Variants in DLGAP4 observed in about 807,000 individuals in gnomAD.
DLGAP4 encodes the protein disks large-associated protein 4.
Under a neutral mutation model 86.9 loss-of-function variants are expected in DLGAP4, and 18 were observed. The ratio of observed to expected loss-of-function variants is 0.21; its 90% CI spans 0.14 to 0.31. The LOEUF (loss-of-function observed/expected upper bound fraction) is 0.31. Among genes scored for constraint, DLGAP4 ranks in the 10% least tolerant of loss-of-function variants. The pLI, the probability that DLGAP4 is intolerant of heterozygous loss-of-function variation, is 1.00. For synonymous variants in DLGAP4, 548 were observed against 574.3 expected, an observed-to-expected ratio of 0.95 and a Z score of 0.65; for missense variants, 1,085 against 1,362.6, an observed-to-expected ratio of 0.80 and a Z score of 3.21.
chr20:36,390,110 G>A (rs994859767), intron 2 of DLGAP4, among the ~76,000 whole-genome samples: 1 of 152,218 alleles, frequency 6.6e-6, no homozygotes, highest in African/African-American at 2.4e-5. Flanking sequence ...GGACCAAGGG[G>A]CAGTGAACTT....
At chr20:36,515,267 T>C (rs2036969144) in intron 10 of DLGAP4, among the ~76,000 whole-genome samples, 1 of 152,258 alleles carries the variant, frequency 6.6e-6, no homozygotes, top group African/African-American at 2.4e-5. Flanking sequence ...CTGGCAGATG[T>C]TCACTGATCC....
rs1202932443 is a variant in DLGAP4 at position 36,465,056 on chromosome 20, T to TA, written c.1648+18122dup. ...TTAAATGAGATTATGTATTTTTTTT[T>TA]AAATCTGGTGCACAGTAGGCACTTA... On this transcript the variant is annotated intron_variant, in intron 7 of 12. Coordinates refer to ENST00000339266, the MANE Select transcript of DLGAP4 (RefSeq NM_001365621.2). Among the ~76,000 whole-genome samples, 3 of 152,106 alleles carry TA rather than the reference T, an allele frequency of 2.0e-5. No individual in the cohort carries two copies. In the East Asian group the frequency reaches 5.8e-4, roughly 29 times the overall value.
At chr20:36,460,872 T>G (rs1288567058) in intron 7 of DLGAP4, among the ~76,000 whole-genome samples, 1 of 152,186 alleles carries the variant, frequency 6.6e-6, no homozygotes, top group Non-Finnish European at 1.5e-5. Flanking sequence ...CGGATGTTGT[T>G]CAAGATCACA....
intron 10 of DLGAP4, among the ~76,000 whole-genome samples, chr20:36,507,190 C>G (rs994079932): frequency 4.0e-5 from 6 of 151,654 alleles, no homozygotes; most frequent in Non-Finnish European, 5.9e-5. Context: ...ACTCAAGGCC[C>G]TGACTTGTGG....
At chr20:36,464,198 C>T (rs2034234935) in intron 7 of DLGAP4, among the ~76,000 whole-genome samples, 1 of 152,156 alleles carries the variant, frequency 6.6e-6, no homozygotes. Context: ...TTCCTTTGGG[C>T]TTCAGCTTCC....
chr20:36,382,119 G>A (rs923403339), intron 2 of DLGAP4, among the ~76,000 whole-genome samples: 2 of 152,196 alleles, frequency 1.3e-5, no homozygotes, highest in African/African-American at 2.4e-5. Context: ...GGGAGATCTG[G>A]AGGTGGAGAA....
At chr20:36,353,160 G>T (rs1438022530) in intron 1 of DLGAP4, among the ~76,000 whole-genome samples, 4 of 152,118 alleles carry the variant, frequency 2.6e-5, no homozygotes, top group African/African-American at 9.7e-5. Flanking sequence ...GGGGTGGCCA[G>T]GGGTACCCGA....
chr20:36,506,380 C>A (rs1360714993), intron 10 of DLGAP4, among the ~76,000 whole-genome samples: 2 of 152,170 alleles, frequency 1.3e-5, no homozygotes, highest in African/African-American at 2.4e-5. Context: ...GGGAAGAGGT[C>A]TTTTATGATG....
intron 10 of DLGAP4, among the ~76,000 whole-genome samples, chr20:36,522,537 T>TTGAGA (rs2037440988): frequency 6.6e-6 from 1 of 152,172 alleles, no homozygotes; most frequent in African/African-American, 2.4e-5. Context: ...TGTTTGGTTT[T>TTGAGA]TGAGATGGAG....
intron 10 of DLGAP4, among the ~76,000 whole-genome samples, chr20:36,514,610 C>T (rs565423446): frequency 1.2e-4 from 18 of 152,158 alleles, no homozygotes; most frequent in South Asian, 2.1e-4. Flanking sequence ...GATGCAATCT[C>T]GCTTTGTTGC....
At chr20:36,317,220 CTTTTTTCT>C (rs1163585662) in intron 1 of DLGAP4, among the ~76,000 whole-genome samples, 9 of 117,294 alleles carry the variant, frequency 7.7e-5, no homozygotes, top group African/African-American at 2.5e-4. Flanking sequence ...CCTTCCTCTC[CTTTTTTCT>C]TTCTTTCTTT....
At chr20:36,377,838 T>C (rs904123574) in intron 2 of DLGAP4, among the ~76,000 whole-genome samples, 1 of 152,198 alleles carries the variant, frequency 6.6e-6, no homozygotes, top group Non-Finnish European at 1.5e-5. Flanking sequence ...CGGGCTGACA[T>C]TTCCAGACAG....
intron 2 of DLGAP4, among the ~76,000 whole-genome samples, chr20:36,423,437 C>T (rs995470916): frequency 1.5e-4 from 16 of 108,718 alleles, no homozygotes; most frequent in African/African-American, 5.9e-4. Context: ...GCCTGGGTGA[C>T]AGAGCAAGAC....
At chr20:36,499,506 T>A in intron 8 of DLGAP4, 82 bp from the exon 9 acceptor site, 2 of 1,472,492 alleles carry the variant, frequency 1.4e-6, no homozygotes, top group Non-Finnish European at 1.9e-6. Flanking sequence ...CCCACTAATG[T>A]GAATTTCAGC....
chr20:36,473,511 C>G (rs2034771806), intron 7 of DLGAP4, among the ~76,000 whole-genome samples: 1 of 152,188 alleles, frequency 6.6e-6, no homozygotes, highest in African/African-American at 2.4e-5. Context: ...CAGATATTAA[C>G]TGTTACCTGA....
chr20:36,425,717 T>A (rs142929214), intron 2 of DLGAP4, among the ~76,000 whole-genome samples: 21,768 of 151,752 alleles, frequency 0.14, 1,676 homozygotes, highest in African/African-American at 0.19. Flanking sequence ...GCTACTCGGG[T>A]TGCTGAGGCA....
At chr20:36,497,721 C>G (rs944971659) in intron 8 of DLGAP4, 3 of 814,464 alleles carry the variant, frequency 3.7e-6, no homozygotes, top group Non-Finnish European at 4.5e-6. Context: ...CCAAAGTCAG[C>G]AGGCCCTCCA....
chr20:36,342,213 T>C (rs1555892580), intron 1 of DLGAP4, among the ~76,000 whole-genome samples: 1 of 152,168 alleles, frequency 6.6e-6, no homozygotes, highest in Admixed American at 6.5e-5. Context: ...TCACTCCTTC[T>C]CTCTGTGCCT....
intron 1 of DLGAP4, among the ~76,000 whole-genome samples, chr20:36,360,772 G>A (rs1208751365): frequency 2.0e-5 from 3 of 151,978 alleles, no homozygotes; most frequent in African/African-American, 7.3e-5. Flanking sequence ...GGGGAGGGAT[G>A]GCGGCAGGGA....
Sources: gnomAD v4.1 joint callset for allele counts (sites outside exome capture counted in the v4.1 genomes callset) on GRCh38, gnomAD v4.1.1 for gene constraint, MANE v1.5 for transcripts, NCBI Gene and HGNC (gene_info 2026-07-23, HGNC 2026-07-21) for gene names.